The following PDE10A variants were observed in gnomAD, a reference collection of about 807,000 sequenced individuals.
The protein encoded by PDE10A is cAMP and cAMP-inhibited cGMP 3',5'-cyclic phosphodiesterase 10A.
PDE10A carries 39 observed loss-of-function variants against 97.7 expected under a neutral mutation model. That is an observed-to-expected ratio of 0.40 (90% CI 0.31 to 0.52). The LOEUF (loss-of-function observed/expected upper bound fraction) is 0.52, where lower values mean the gene tolerates loss of function less well. Among genes scored for constraint, PDE10A ranks in the 20% least tolerant of loss-of-function variants. PDE10A has a pLI of 0.56. For missense variants in PDE10A, 731 were observed against 1,047.8 expected, an observed-to-expected ratio of 0.70 and a Z score of 4.17; for synonymous variants, 371 against 376.8, an observed-to-expected ratio of 0.98 and a Z score of 0.18.
intron 1 of PDE10A, among the ~76,000 whole-genome samples, chr6:165,594,406 T>C (rs1583609580): frequency 6.6e-6 from 1 of 152,104 alleles, no homozygotes; most frequent in East Asian, 1.9e-4. Flanking sequence ...CAATAGATTA[T>C]AACACATTAA....
Position 165,379,198 on chromosome 6 carries a change from GTGAT to G in PDE10A, c.2775_2778del (p.Gln925HisfsTer6). On this transcript the variant is annotated frameshift_variant, in exon 18 of 22. Coordinates refer to ENST00000539869, the MANE Select transcript of PDE10A (RefSeq NM_001385079.1). LOFTEE classifies it high-confidence loss of function. ...GCTTTTAAAAATTATTTTTACCTAT[GTGAT>G]TGATTATTAAGGTTTAGTGATCCGG... 1.3e-6 allele frequency: 2 copies of G among 1,598,222 alleles called. No homozygotes were observed. Among genetic ancestry groups the G allele is most frequent in the Non-Finnish European group, 1.7e-6 (2 of 1,172,674 alleles).
chr6:165,332,861 A>C lies in PDE10A; in HGVS notation c.*164T>G, dbSNP rs902752940. The C allele has an allele frequency of 1.7e-6, 1 of 599,566 alleles. No homozygotes were observed. The highest frequency in any genetic ancestry group is 2.8e-5 in the East Asian group (1 of 35,406). The allele number at this position is 599,566 out of a possible 1,614,324, so 37.1% of individuals were successfully genotyped here. On this transcript the variant is annotated 3_prime_UTR_variant, in exon 22 of 22. Coordinates refer to ENST00000539869, the MANE Select transcript of PDE10A (RefSeq NM_001385079.1). ...ATGCCTCACAGAAGAGATTGGCAGG[A>C]AGTCCTCTGCTTGACTTATTTATTT... is the stretch of plus-strand genomic sequence containing the variant.
chr6:165,892,209 G>A (rs1025963160), intron 1 of PDE10A, among the ~76,000 whole-genome samples: 1 of 152,216 alleles, frequency 6.6e-6, no homozygotes, highest in East Asian at 1.9e-4. Context: ...AGGGAGATGG[G>A]AGTTGAAGGT....
chr6:165,635,081 T>C (rs553341764), intron 1 of PDE10A, among the ~76,000 whole-genome samples: 2 of 152,298 alleles, frequency 1.3e-5, no homozygotes, highest in South Asian at 2.1e-4. Flanking sequence ...AGAGGGGACA[T>C]TCCTTTAGTA....
At chr6:165,837,298 C>G (rs1022347169) in intron 1 of PDE10A, among the ~76,000 whole-genome samples, 4 of 152,060 alleles carry the variant, frequency 2.6e-5, no homozygotes, top group South Asian at 4.1e-4. Context: ...TAACTAAGAA[C>G]ATAACTAACA....
chr6:165,722,158 T>G (rs1042980720), intron 1 of PDE10A, among the ~76,000 whole-genome samples: 20 of 152,256 alleles, frequency 1.3e-4, no homozygotes, highest in African/African-American at 4.8e-4. Context: ...TACTGATAGA[T>G]AAACTTCACG....
intron 1 of PDE10A, among the ~76,000 whole-genome samples, chr6:165,945,785 C>T (rs566199917): frequency 1.3e-5 from 2 of 152,174 alleles, no homozygotes; most frequent in African/African-American, 4.8e-5. Context: ...CAATAGATAA[C>T]TAATAGAGTC....
intron 1 of PDE10A, among the ~76,000 whole-genome samples, chr6:165,785,575 C>A (rs6935239): frequency 6.6e-6 from 1 of 151,998 alleles, no homozygotes; most frequent in South Asian, 2.1e-4. Context: ...CTTGTCATTA[C>A]CAAAATTTAA....
At chr6:165,408,315 A>G (rs963989444) in intron 13 of PDE10A, among the ~76,000 whole-genome samples, 1 of 152,228 alleles carries the variant, frequency 6.6e-6, no homozygotes, top group Admixed American at 6.5e-5. Context: ...CATTCAGGAA[A>G]AGGTAGGGAA....
At chr6:165,917,310 A>G (rs1290969878) in intron 1 of PDE10A, among the ~76,000 whole-genome samples, 1 of 116,684 alleles carries the variant, frequency 8.6e-6, no homozygotes, top group Non-Finnish European at 1.9e-5. Flanking sequence ...TCACTGCACC[A>G]AGAGCATGGC....
chr6:165,382,949 T>A (rs1481768095), intron 17 of PDE10A, among the ~76,000 whole-genome samples: 1 of 152,190 alleles, frequency 6.6e-6, no homozygotes, highest in Non-Finnish European at 1.5e-5. Flanking sequence ...TAGTGTTGAA[T>A]ATAAGTACAA....
intron 2 of PDE10A, among the ~76,000 whole-genome samples, chr6:165,515,042 C>G (rs1012025677): frequency 2.3e-4 from 35 of 152,122 alleles, no homozygotes; most frequent in African/African-American, 8.5e-4. Context: ...AGTTCACTGA[C>G]CTCTGGGCTC....
chr6:165,791,698 G>C (rs1202863351), intron 1 of PDE10A, among the ~76,000 whole-genome samples: 1 of 152,164 alleles, frequency 6.6e-6, no homozygotes, highest in African/African-American at 2.4e-5. Context: ...CACCCTCCCA[G>C]CTCTGCAATG....
chr6:165,392,557 T>G, intron 16 of PDE10A, 89 bp downstream of exon 16: 1 of 1,295,858 alleles, frequency 7.7e-7, no homozygotes, highest in Non-Finnish European at 1.1e-6. Flanking sequence ...GAATAACATG[T>G]CACAAATCCA....
At chr6:165,404,742 A>T (rs924334528) in intron 13 of PDE10A, among the ~76,000 whole-genome samples, 13 of 152,264 alleles carry the variant, frequency 8.5e-5, no homozygotes, top group Admixed American at 6.5e-4. Flanking sequence ...AATGAAAAAC[A>T]CTTACTGAGA....
At position 165,548,539 on chromosome 6, in the gene PDE10A, C is replaced by A. The variant is rs997262454; in HGVS notation, c.866-4971G>T. On this transcript the variant is annotated intron_variant, in intron 1 of 21. Coordinates refer to ENST00000539869, the MANE Select transcript of PDE10A (RefSeq NM_001385079.1). The stretch of plus-strand genomic sequence containing the variant: ...GTTTAGCATGTTCCTCCGCTCTCTG[C>A]ATTTCTTGAAAATTGACATTAGTCC... Among the ~76,000 whole-genome samples the A allele has an allele frequency of 3.9e-5, 6 of 152,050 alleles. No homozygotes were observed. The East Asian group carries it at 1.2e-3, about 29-fold the overall frequency.
intron 1 of PDE10A, among the ~76,000 whole-genome samples, chr6:165,983,832 T>A (rs1457420507): frequency 6.6e-6 from 1 of 152,214 alleles, no homozygotes; most frequent in Non-Finnish European, 1.5e-5. Context: ...AGTTTCTTAA[T>A]CATGGGTAAG....
intron 1 of PDE10A, among the ~76,000 whole-genome samples, chr6:165,845,081 A>T (rs75170647): frequency 0.037 from 5,563 of 152,332 alleles, 141 homozygotes; most frequent in Middle Eastern, 0.078. Flanking sequence ...ACTTCTGCTG[A>T]TTTAAAGCGT....
intron 3 of PDE10A, among the ~76,000 whole-genome samples, chr6:165,474,746 G>A (rs1389825189): frequency 2.0e-5 from 3 of 152,128 alleles, no homozygotes; most frequent in Non-Finnish European, 4.4e-5. Flanking sequence ...CTTAGTATTT[G>A]TAAGTATTCA....
Sources: gnomAD v4.1 joint callset for allele counts (sites outside exome capture counted in the v4.1 genomes callset) on GRCh38, gnomAD v4.1.1 for gene constraint, MANE v1.5 for transcripts, NCBI Gene and HGNC (gene_info 2026-07-23, HGNC 2026-07-21) for gene names.